The following STAT4 variants were observed in gnomAD, a reference collection of about 807,000 sequenced individuals.
STAT4 encodes the protein signal transducer and activator of transcription 4.
Under a neutral mutation model 110.5 loss-of-function variants are expected in STAT4, and 42 were observed. The observed-to-expected ratio is 0.38, with a 90% CI of 0.30 to 0.49. The LOEUF (loss-of-function observed/expected upper bound fraction) is 0.49, where lower values mean the gene tolerates loss of function less well. Ranked by LOEUF, STAT4 falls within the 20% of genes least tolerant of loss-of-function variation. STAT4 has a pLI of 0.95. For synonymous variants in STAT4, 284 were observed against 302.2 expected, an observed-to-expected ratio of 0.94 and a Z score of 0.63; for missense variants, 632 against 887.9, an observed-to-expected ratio of 0.71 and a Z score of 3.66.
At position 191,116,045 on chromosome 2, in the gene STAT4, C is replaced by G. The variant is rs1698562606; in HGVS notation, c.273+30568G>C. ...GTTTGGTTGAAATGAACATTATGAC[C>G]ACAGAAAAAACTTAGAATGTGTTGG... On this transcript the variant is annotated intron_variant, in intron 3 of 23. Coordinates refer to ENST00000392320, the MANE Select transcript of STAT4 (RefSeq NM_003151.4). The surrounding 1 kb of genome is among the most constrained non-coding windows in gnomAD (Gnocchi z 4.1). Among the ~76,000 whole-genome samples the G allele has an allele frequency of 6.6e-6, 1 of 152,052 alleles. No individual in the cohort carries two copies. Among genetic ancestry groups the G allele is most frequent in the Non-Finnish European group, 1.5e-5 (1 of 67,994 alleles).
chr2:191,128,988 G>T (rs536522770), intron 3 of STAT4, among the ~76,000 whole-genome samples: 1 of 152,208 alleles, frequency 6.6e-6, no homozygotes, highest in East Asian at 1.9e-4. Context: ...TAACTGAAAG[G>T]CTGAGAAGCA....
intron 3 of STAT4, among the ~76,000 whole-genome samples, chr2:191,095,329 C>T (rs1004181990): frequency 7.2e-5 from 11 of 152,268 alleles, no homozygotes; most frequent in African/African-American, 2.4e-4. Flanking sequence ...AGCACCACAT[C>T]GCACTTATTC....
rs1214602941 is a variant in STAT4, at chr2:191,110,886, C to T, written c.274-34561G>A. Among the ~76,000 whole-genome samples the T allele has an allele frequency of 6.6e-6, 1 of 152,114 alleles. No homozygotes were observed. Among genetic ancestry groups the T allele is most frequent in the African/African-American group, 2.4e-5 (1 of 41,432 alleles). ...GCAACCTCTGCCTCCTGGGTTCAAG[C>T]GATTCCCCTGCCTCAGCCTCCTGAG... On this transcript the variant is annotated intron_variant, in intron 3 of 23. Coordinates refer to ENST00000392320, the MANE Select transcript of STAT4 (RefSeq NM_003151.4). This position sits in a 1 kb window ranked among gnomAD's most constrained non-coding sequence, Gnocchi z 4.5.
In STAT4 at chr2:191,082,382, A is replaced by G. The variant is rs1212212856; in HGVS notation, c.274-6057T>C. ...AGTGTTATATTTTGATGACATTTTA[A>G]ACAGCAATTAAGATCAACATATGTT... On this transcript the variant is annotated intron_variant, in intron 3 of 23. Coordinates refer to ENST00000392320, the MANE Select transcript of STAT4 (RefSeq NM_003151.4). The surrounding 1 kb of genome is among the most constrained non-coding windows in gnomAD (Gnocchi z 4.7). 6.6e-6 allele frequency among the ~76,000 whole-genome samples: 1 copy of G among 152,208 alleles called. No homozygotes were observed. The highest frequency in any genetic ancestry group is 2.4e-5 in the African/African-American group (1 of 41,454).
chr2:191,065,823 G>C (rs1457520583), intron 7 of STAT4, among the ~76,000 whole-genome samples: 1 of 152,086 alleles, frequency 6.6e-6, no homozygotes, highest in Non-Finnish European at 1.5e-5. Flanking sequence ...TCAGTGACTG[G>C]TTAAATTTCA....
At chr2:191,102,712 T>C (rs186689502) in intron 3 of STAT4, among the ~76,000 whole-genome samples, 1 of 152,352 alleles carries the variant, frequency 6.6e-6, no homozygotes, top group East Asian at 1.9e-4. Context: ...CATGTCAAGA[T>C]AAGGCATTGA....
chr2:191,136,888 A>G (rs1699193808), intron 3 of STAT4, among the ~76,000 whole-genome samples: 1 of 152,352 alleles, frequency 6.6e-6, no homozygotes, highest in East Asian at 1.9e-4. Context: ...AACATACAAA[A>G]ATCAGTAGCA....
chr2:191,131,875 A>C, intron 3 of STAT4: 1 of 1,460,008 alleles, frequency 6.8e-7, no homozygotes, highest in Non-Finnish European at 9.1e-7. Flanking sequence ...ATCCAAGGGC[A>C]GCTGTGCTGT....
chr2:191,107,058 C>T lies in STAT4; in HGVS notation c.274-30733G>A, dbSNP rs73981284. On this transcript the variant is annotated intron_variant, in intron 3 of 23. Transcript: ENST00000392320. This position sits in a 1 kb window ranked among gnomAD's most constrained non-coding sequence, Gnocchi z 4.2. The stretch of plus-strand genomic sequence containing the variant: ...GACACATGTATGAAATTCAAGTACT[C>T]TACACATTAATGTCAGCAGTAGAAA... Among the ~76,000 whole-genome samples, 648 of 152,188 alleles carry T rather than the reference C, an allele frequency of 4.3e-3. 7 individuals are homozygous for T. Among genetic ancestry groups the T allele is most frequent in the African/African-American group, 0.015 (607 of 41,502 alleles).
In STAT4 at chr2:191,051,112, G is replaced by A. The variant is rs914764923; in HGVS notation, c.1251+3378C>T. Among the ~76,000 whole-genome samples, 27 of 152,146 alleles carry A rather than the reference G, an allele frequency of 1.8e-4. No individual in the cohort carries two copies. Among genetic ancestry groups the A allele is most frequent in the Non-Finnish European group, 3.2e-4 (22 of 68,040 alleles). ...AATTCCAGACATGAAATCCCATAAAGGGGCATACACAAATGGTGACCTGAG... is the reference window on the plus strand; with the variant it reads ...AATTCCAGACATGAAATCCCATAAAAGGGCATACACAAATGGTGACCTGAG... On this transcript the variant is annotated intron_variant, in intron 14 of 23. Coordinates refer to ENST00000392320, the MANE Select transcript of STAT4 (RefSeq NM_003151.4). The surrounding 1 kb of genome is among the most constrained non-coding windows in gnomAD (Gnocchi z 5.6).
rs376471657 is a variant in STAT4 at position 191,037,760 on chromosome 2, G to A, written c.1434+1439C>T. On this transcript the variant is annotated intron_variant, in intron 16 of 23. Transcript: ENST00000392320. This position sits in a 1 kb window ranked among gnomAD's most constrained non-coding sequence, Gnocchi z 4.8. ...CAAGGAATGGGCAATAGGAAGAGGAGGAATGAAGAGAAAGAATTTCTAGGG... is the reference window on the plus strand; with the variant it reads ...CAAGGAATGGGCAATAGGAAGAGGAAGAATGAAGAGAAAGAATTTCTAGGG... Among the ~76,000 whole-genome samples the A allele has an allele frequency of 1.9e-4, 29 of 152,246 alleles. 1 individual carries two copies. The highest frequency in any genetic ancestry group is 7.0e-4 in the African/African-American group (29 of 41,538).
At chr2:191,089,330 G>C (rs949050272) in intron 3 of STAT4, among the ~76,000 whole-genome samples, 1 of 152,086 alleles carries the variant, frequency 6.6e-6, no homozygotes, top group African/African-American at 2.4e-5. Flanking sequence ...CGTGGTCAGG[G>C]AAATGCATAC....
In STAT4 at chr2:191,138,897, A is replaced by G. The variant is rs1699247988; in HGVS notation, c.273+7716T>C. The stretch of plus-strand genomic sequence containing the variant: ...AAATCCAACAGCATATCAAAAAGAT[A>G]ATACATCATGATCAAATGGGTTTAT... On this transcript the variant is annotated intron_variant, in intron 3 of 23. Coordinates refer to ENST00000392320, the MANE Select transcript of STAT4 (RefSeq NM_003151.4). The surrounding 1 kb of genome is among the most constrained non-coding windows in gnomAD (Gnocchi z 4.3). Among the ~76,000 whole-genome samples, 1 of 152,178 alleles carries G rather than the reference A, an allele frequency of 6.6e-6. No homozygotes were observed.
chr2:191,133,021 T>C (rs1699085979), intron 3 of STAT4, among the ~76,000 whole-genome samples: 1 of 151,568 alleles, frequency 6.6e-6, no homozygotes, highest in Non-Finnish European at 1.5e-5. Flanking sequence ...CCCAAAGTGC[T>C]GGGATTACAG....
intron 3 of STAT4, among the ~76,000 whole-genome samples, chr2:191,109,956 G>C (rs1040028232): frequency 2.0e-5 from 3 of 152,098 alleles, no homozygotes; most frequent in African/African-American, 7.2e-5. Context: ...AGTCTAAACA[G>C]TCCCTTAAGG....
In STAT4 at chr2:191,076,071, C is replaced by G. The variant is rs955634356; in HGVS notation, c.372+156G>C. 13 of 602,804 alleles carry G rather than the reference C, an allele frequency of 2.2e-5. No individual in the cohort carries two copies. The East Asian group carries it at 3.7e-4, about 17-fold the overall frequency. The allele number at this position is 602,804 out of a possible 1,614,324, so 37.3% of individuals were successfully genotyped here. A position where few individuals can be genotyped will look rare whatever the true frequency, so the allele number is the denominator to read the frequency against. ...GTCTTGCTGCATTGGCCAGACTGGT[C>G]TCAAACTCTTGGCTTCAAATGATCC... On this transcript the variant is annotated intron_variant, in intron 4 of 23. Coordinates refer to ENST00000392320, the MANE Select transcript of STAT4 (RefSeq NM_003151.4).
rs1286070962 is a variant in STAT4, at chr2:191,043,048, G to A, written c.1252-1900C>T. On this transcript the variant is annotated intron_variant, in intron 14 of 23. Transcript: ENST00000392320. This position sits in a 1 kb window ranked among gnomAD's most constrained non-coding sequence, Gnocchi z 4.8. Reference sequence around the variant, plus strand: ...CCCGCCTTGGCCTCCCAAAGTGCTGGGATTACAGGCGTGAGCCACTGCGCC... The same window carrying A: ...CCCGCCTTGGCCTCCCAAAGTGCTGAGATTACAGGCGTGAGCCACTGCGCC... Among the ~76,000 whole-genome samples, 1 of 152,160 alleles carries A rather than the reference G, an allele frequency of 6.6e-6. No individual in the cohort carries two copies. Among genetic ancestry groups the A allele is most frequent in the Admixed American group, 6.5e-5 (1 of 15,284 alleles).
In STAT4 at chr2:191,147,246, C is replaced by G. The variant is rs1028287573; in HGVS notation, c.129-489G>C. On this transcript the variant is annotated intron_variant, in intron 2 of 23. Transcript: ENST00000392320. This position sits in a 1 kb window ranked among gnomAD's most constrained non-coding sequence, Gnocchi z 4.1. Reference sequence around the variant, plus strand: ...ATTAGCAATAGCCAAAATGTTTGAACAACCCAAATGTCCATTGACAGATAC... The same window carrying G: ...ATTAGCAATAGCCAAAATGTTTGAAGAACCCAAATGTCCATTGACAGATAC... Among the ~76,000 whole-genome samples, 8 of 152,210 alleles carry G rather than the reference C, an allele frequency of 5.3e-5. No homozygotes were observed. The highest frequency in any genetic ancestry group is 2.1e-4 in the South Asian group (1 of 4,828).
At chr2:191,094,251 A>G (rs1400731505) in intron 3 of STAT4, among the ~76,000 whole-genome samples, 1 of 152,074 alleles carries the variant, frequency 6.6e-6, no homozygotes, top group Non-Finnish European at 1.5e-5. Context: ...CCACAAAGAT[A>G]CTCCTTGAGA....
Sources: allele counts gnomAD v4.1 joint callset (sites outside exome capture counted in the v4.1 genomes callset), GRCh38; gene constraint gnomAD v4.1.1; non-coding constraint Gnocchi (gnomAD v3.1); transcripts MANE v1.5; gene names NCBI Gene and HGNC (gene_info 2026-07-23, HGNC 2026-07-21).